NFIA: variants seen among roughly 807,000 people sequenced by gnomAD.
NFIA encodes the protein nuclear factor 1 A-type.
NFIA carries 8 observed loss-of-function variants against 62.8 expected under a neutral mutation model. The observed-to-expected ratio is 0.13, with a 90% CI of 0.07 to 0.23. The LOEUF (loss-of-function observed/expected upper bound fraction) is 0.23, where lower values mean the gene tolerates loss of function less well. NFIA is among the 10% of genes least tolerant of loss of function. NFIA has a pLI of 1.00. For missense variants in NFIA, 410 were observed against 642.1 expected (o/e 0.64, Z 3.91); for synonymous variants, 235 against 238.1 (o/e 0.99, Z 0.12).
Position 61,213,752 on chromosome 1 carries a change from C to T in NFIA, c.560-63768C>T, listed in dbSNP as rs78600331. On this transcript the variant is annotated intron_variant, in intron 2 of 10. Transcript: ENST00000403491. ...AGCATTTACCAACAACCTTGCGATC[C>T]GATGGCTTGAAATAATGGTCAGAGT... 8.7e-3 allele frequency among the ~76,000 whole-genome samples: 1,331 copies of T among 152,234 alleles called. 19 individuals carry two copies. The highest frequency in any genetic ancestry group is 0.031 in the African/African-American group (1,270 of 41,534).
chr1:61,179,756 T>A (rs913385708), intron 2 of NFIA, among the ~76,000 whole-genome samples: 1 of 152,192 alleles, frequency 6.6e-6, no homozygotes, highest in African/African-American at 2.4e-5. Flanking sequence ...TGAGAGTTGC[T>A]AACCCTGCTT....
intron 2 of NFIA, among the ~76,000 whole-genome samples, chr1:61,227,660 T>C (rs1654417213): frequency 6.6e-6 from 1 of 152,228 alleles, no homozygotes. Context: ...ATGTTTTTCT[T>C]CTTTTATGGA....
rs968404534 is a variant in NFIA at position 61,294,410 on chromosome 1, C to T, written c.625+16825C>T. ...TTCGGTTCCTTGTCCAGCTTTCTTT[C>T]TCCTACATTTCTACTCTGCTTTTCT... is the stretch of plus-strand genomic sequence containing the variant. On this transcript the variant is annotated intron_variant, in intron 3 of 10. Coordinates refer to ENST00000403491, the MANE Select transcript of NFIA (RefSeq NM_001134673.4). 1.7e-4 allele frequency among the ~76,000 whole-genome samples: 26 copies of T among 152,170 alleles called. No individual in the cohort carries two copies. In the South Asian group the frequency reaches 1.9e-3, roughly 11 times the overall value.
chr1:61,077,746 C>A, upstream of NFIA: 1 of 622,886 alleles, frequency 1.6e-6, no homozygotes, highest in Non-Finnish European at 2.5e-6. Context: ...CGCATATGCA[C>A]TTAAGTGATT....
intron 10 of NFIA, among the ~76,000 whole-genome samples, chr1:61,431,161 A>G (rs945672444): frequency 1.3e-5 from 2 of 152,180 alleles, no homozygotes; most frequent in Admixed American, 6.5e-5. Context: ...GCCAATGGCC[A>G]TTTCAATTGC....
chr1:61,332,653 C>A, intron 4 of NFIA, 67 bp downstream of exon 4: 1 of 1,310,552 alleles, frequency 7.6e-7, no homozygotes, highest in Non-Finnish European at 1.1e-6. Flanking sequence ...CTGCCTAGGA[C>A]TCCTAGAGAC....
chr1:61,319,802 C>G (rs1220158699), intron 3 of NFIA, among the ~76,000 whole-genome samples: 1 of 141,972 alleles, frequency 7.0e-6, no homozygotes, highest in Admixed American at 7.0e-5. Context: ...CACACACACA[C>G]ACACACACAC....
chr1:61,121,271 T>TA (rs536560320), intron 2 of NFIA, among the ~76,000 whole-genome samples: 75 of 152,312 alleles, frequency 4.9e-4, no homozygotes, highest in African/African-American at 1.8e-3. Flanking sequence ...TATTGCTGTT[T>TA]AAAAAACCTT....
intron 2 of NFIA, among the ~76,000 whole-genome samples, chr1:61,266,328 T>C (rs1378697931): frequency 6.6e-6 from 1 of 152,146 alleles, no homozygotes; most frequent in Non-Finnish European, 1.5e-5. Context: ...CTATTGTATT[T>C]TATGGCTCTG....
At chr1:61,179,519 C>T (rs1650611563) in intron 2 of NFIA, among the ~76,000 whole-genome samples, 2 of 152,202 alleles carry the variant, frequency 1.3e-5, no homozygotes, top group African/African-American at 4.8e-5. Flanking sequence ...GATAAAGCGA[C>T]ATGCCACCTT....
chr1:61,166,601 T>C (rs1166506917), intron 2 of NFIA, among the ~76,000 whole-genome samples: 3 of 151,356 alleles, frequency 2.0e-5, no homozygotes, highest in Admixed American at 6.6e-5. Context: ...AACCTGGGAG[T>C]CATAGGTTTC....
At chr1:61,411,432 T>C (rs1302579494) in intron 9 of NFIA, among the ~76,000 whole-genome samples, 2 of 152,172 alleles carry the variant, frequency 1.3e-5, no homozygotes, top group Non-Finnish European at 2.9e-5. Flanking sequence ...AAGCATAACC[T>C]GTAAGAGCAT....
At chr1:61,348,755 C>A (rs1662387184) in intron 4 of NFIA, among the ~76,000 whole-genome samples, 1 of 152,196 alleles carries the variant, frequency 6.6e-6, no homozygotes, top group South Asian at 2.1e-4. Flanking sequence ...CTCTTCTTCT[C>A]TCCGTCTGAT....
intron 2 of NFIA, among the ~76,000 whole-genome samples, chr1:61,259,350 G>A (rs368876855): frequency 1.3e-5 from 2 of 152,106 alleles, no homozygotes; most frequent in African/African-American, 4.8e-5. Context: ...AATCTTGCCC[G>A]GACTGGCCCT....
At position 61,282,096 on chromosome 1, in the gene NFIA, T is replaced by C. The variant is rs1173361730; in HGVS notation, c.625+4511T>C. On this transcript the variant is annotated intron_variant, in intron 3 of 10. Coordinates refer to ENST00000403491, the MANE Select transcript of NFIA (RefSeq NM_001134673.4). ...GACAGAGATTAACAGATATAACTAG[T>C]AGGTCTAGGAAGCCAAAGCTGAGGG... 2.6e-5 allele frequency among the ~76,000 whole-genome samples: 4 copies of C among 151,814 alleles called. 1 individual carries two copies. In the South Asian group the frequency reaches 6.2e-4, roughly 24 times the overall value.
intron 2 of NFIA, among the ~76,000 whole-genome samples, chr1:61,194,761 C>G (rs1180916339): frequency 6.6e-6 from 1 of 152,146 alleles, no homozygotes; most frequent in Non-Finnish European, 1.5e-5. Flanking sequence ...TTCCCACTAT[C>G]CCATGCTGAT....
intron 4 of NFIA, among the ~76,000 whole-genome samples, chr1:61,344,812 C>G (rs1012148048): frequency 2.6e-5 from 4 of 152,240 alleles, no homozygotes; most frequent in African/African-American, 9.6e-5. Flanking sequence ...ACACTGTAAT[C>G]TCTCAGGCAG....
At chr1:61,436,314 A>T (rs976015406) in intron 10 of NFIA, among the ~76,000 whole-genome samples, 3 of 152,174 alleles carry the variant, frequency 2.0e-5, no homozygotes, top group African/African-American at 7.2e-5. Flanking sequence ...GAGAACAGGA[A>T]AATGAGTTGA....
chr1:61,112,316 G>A (rs896271850), intron 2 of NFIA, among the ~76,000 whole-genome samples: 2 of 151,970 alleles, frequency 1.3e-5, no homozygotes, highest in Non-Finnish European at 2.9e-5. Flanking sequence ...GGTTCCTAAA[G>A]TAATGATAAC....
Sources: gnomAD v4.1 joint callset for allele counts (sites outside exome capture counted in the v4.1 genomes callset) on GRCh38, gnomAD v4.1.1 for gene constraint, MANE v1.5 for transcripts, NCBI Gene and HGNC (gene_info 2026-07-23, HGNC 2026-07-21) for gene names.